The following ARSG variants were observed in gnomAD, a reference collection of about 807,000 sequenced individuals.
ARSG encodes the protein ASG.
Under a neutral mutation model 50.5 loss-of-function variants are expected in ARSG, and 37 were observed. That is an observed-to-expected ratio of 0.73 (90% CI 0.56 to 0.96). The LOEUF (loss-of-function observed/expected upper bound fraction) is 0.96. Among genes scored for constraint, ARSG ranks in the 50% least tolerant of loss-of-function variants. The pLI, the probability that ARSG is intolerant of heterozygous loss-of-function variation, is 0.00. For synonymous variants in ARSG, 225 were observed against 254.6 expected (o/e 0.88, Z 1.11); for missense variants, 629 against 675.3 (o/e 0.93, Z 0.76).
chr17:68,404,488 A>T (rs1178318761), intron 11 of ARSG, among the ~76,000 whole-genome samples: 1 of 152,138 alleles, frequency 6.6e-6, no homozygotes, highest in East Asian at 1.9e-4. Flanking sequence ...TTTTCCATTG[A>T]TTGATTTTCA....
At chr17:68,398,316 TA>T (rs2081337405) in intron 10 of ARSG, among the ~76,000 whole-genome samples, 1 of 152,230 alleles carries the variant, frequency 6.6e-6, no homozygotes, top group Non-Finnish European at 1.5e-5. Context: ...CACATACATG[TA>T]TACATATGCA....
At chr17:68,290,984 C>T (rs1454060554), upstream of ARSG, 1 of 152,092 alleles carries the variant, frequency 6.6e-6, no homozygotes, top group Non-Finnish European at 1.5e-5. Flanking sequence ...GTGGTCTCCT[C>T]CGCCTCCCAT....
chr17:68,322,546 G>T (rs140976217), intron 2 of ARSG, among the ~76,000 whole-genome samples: 1 of 152,262 alleles, frequency 6.6e-6, no homozygotes, highest in East Asian at 1.9e-4. Context: ...GAACCTGGGA[G>T]GCGGAGGTTG....
intron 1 of ARSG, among the ~76,000 whole-genome samples, chr17:68,275,622 A>C (rs1022020230): frequency 6.6e-6 from 1 of 152,206 alleles, no homozygotes; most frequent in African/African-American, 2.4e-5. Flanking sequence ...ACCAAATGTA[A>C]CATTTTAGTC....
chr17:68,426,574 C>T (rs2083209895), downstream of ARSG, among the ~76,000 whole-genome samples: 1 of 152,158 alleles, frequency 6.6e-6, no homozygotes. Flanking sequence ...ACTCTTTCAC[C>T]CAGGCTGGAG....
intron 1 of ARSG, among the ~76,000 whole-genome samples, chr17:68,300,665 G>C (rs186402563): frequency 6.6e-6 from 1 of 152,110 alleles, no homozygotes; most frequent in Admixed American, 6.5e-5. Flanking sequence ...GATGCATGGC[G>C]TGATGCCACC....
the ARSG span, among the ~76,000 whole-genome samples, chr17:68,431,221 G>A: frequency 2.0e-5 from 3 of 152,200 alleles, no homozygotes; most frequent in African/African-American, 7.2e-5. Flanking sequence ...GTCCAGGCAG[G>A]AGCTAGTCCA....
intron 8 of ARSG, 128 bp downstream of exon 8, chr17:68,370,652 C>A: frequency 1.3e-6 from 1 of 772,442 alleles, no homozygotes; most frequent in Non-Finnish European, 2.1e-6. Context: ...GAAACAGGGA[C>A]ACATTTGCTC....
intron 1 of ARSG, among the ~76,000 whole-genome samples, chr17:68,266,118 C>A (rs2075154555): frequency 6.6e-6 from 1 of 152,072 alleles, no homozygotes; most frequent in Non-Finnish European, 1.5e-5. Flanking sequence ...CTTACTCTGG[C>A]TACCATGATA....
At chr17:68,358,506 C>T (rs1257291454) in intron 6 of ARSG, among the ~76,000 whole-genome samples, 3 of 151,718 alleles carry the variant, frequency 2.0e-5, no homozygotes, top group Non-Finnish European at 2.9e-5. Context: ...CTGACCAACA[C>T]GGTGAAACCC....
At position 68,305,273 on chromosome 17, in the gene ARSG, T is replaced by TC. The variant is rs2076565678; in HGVS notation, c.-551-1669dup. On this transcript the variant is annotated intron_variant, in intron 1 of 11. Transcript: ENST00000621439. ...ACCTTCAATTCCCGTCTTTCAAAAC[T>TC]CAAGTCTGATTTGTCGTTTTTATTT... 1.3e-5 allele frequency among the ~76,000 whole-genome samples: 2 copies of TC among 152,226 alleles called. 1 individual carries two copies. Among genetic ancestry groups the TC allele is most frequent in the South Asian group, 4.1e-4 (2 of 4,836 alleles).
In ARSG at chr17:68,404,216, G is replaced by A. The variant is rs527878670; in HGVS notation, c.1303+2766G>A. Among the ~76,000 whole-genome samples the A allele has an allele frequency of 2.7e-4, 41 of 152,244 alleles. No homozygotes were observed. In the East Asian group the frequency reaches 7.0e-3, roughly 26 times the overall value. ...CAGCATGATTTATAATCCTTTGGGT[G>A]TATACCCAGTAATGGGATGGCTGGG... is the stretch of plus-strand genomic sequence containing the variant. On this transcript the variant is annotated intron_variant, in intron 11 of 11. Transcript: ENST00000621439.
intron 2 of ARSG, among the ~76,000 whole-genome samples, chr17:68,325,047 G>C (rs9901348): frequency 0.067 from 10,132 of 152,164 alleles, 747 homozygotes; most frequent in African/African-American, 0.18. Flanking sequence ...CTACAGCAGG[G>C]GTTCTCAACC....
chr17:68,425,091 G>C (rs2049434071), downstream of ARSG, among the ~76,000 whole-genome samples: 1 of 152,208 alleles, frequency 6.6e-6, no homozygotes, highest in African/African-American at 2.4e-5. Flanking sequence ...CACTCAGCCA[G>C]CCCCGAGGGC....
chr17:68,291,732 TG>T (rs2076000343), intron 1 of ARSG, among the ~76,000 whole-genome samples, 164 bp downstream of exon 1: 1 of 151,344 alleles, frequency 6.6e-6, no homozygotes, highest in Non-Finnish European at 1.5e-5. Context: ...TGCAGGGTGT[TG>T]GGGGTGCCTG....
rs558057906 is a variant in ARSG at position 68,280,652 on chromosome 17, A to T, written c.-552+21226A>T. Among the ~76,000 whole-genome samples, 21 of 152,354 alleles carry T rather than the reference A, an allele frequency of 1.4e-4. No homozygotes were observed. In the South Asian group the frequency reaches 4.1e-3, roughly 30 times the overall value. Reference sequence around the variant, plus strand: ...ACAATCAACTAAAAATGGATCAAAGACTTAAATGTAAGACCTAAAACTATA... The same window carrying T: ...ACAATCAACTAAAAATGGATCAAAGTCTTAAATGTAAGACCTAAAACTATA... On this transcript the variant is annotated intron_variant, in intron 1 of 11. Coordinates refer to the ARSG transcript ENST00000448504.
intron 2 of ARSG, among the ~76,000 whole-genome samples, chr17:68,321,874 T>C (rs767682880): frequency 2.0e-5 from 3 of 152,196 alleles, no homozygotes; most frequent in African/African-American, 7.2e-5. Context: ...CCTGCCCAGA[T>C]AGACTTGGGA....
chr17:68,380,071 T>G (rs1300496863), intron 8 of ARSG, among the ~76,000 whole-genome samples: 1 of 152,152 alleles, frequency 6.6e-6, no homozygotes, highest in Non-Finnish European at 1.5e-5. Context: ...CTCCTCCTCT[T>G]CTTCCTTAGC....
the ARSG span, chr17:68,430,211 G>A: frequency 4.5e-6 from 7 of 1,550,120 alleles, no homozygotes; most frequent in Admixed American, 2.0e-5. Flanking sequence ...GGCCCCACAC[G>A]CACCCAGGAA....
Sources: allele counts gnomAD v4.1 joint callset (sites outside exome capture counted in the v4.1 genomes callset), GRCh38; gene constraint gnomAD v4.1.1; transcripts MANE v1.5; gene names NCBI Gene and HGNC (gene_info 2026-07-23, HGNC 2026-07-21).